Variants in ABR observed in about 807,000 individuals in gnomAD.
ABR encodes the protein ABR activator of RhoGEF and GTPase, also known as active breakpoint cluster region-related protein.
In ABR, 35 loss-of-function variants were observed where a neutral mutation model predicts 107.2. The ratio of observed to expected loss-of-function variants is 0.33; its 90% CI spans 0.25 to 0.43. ABR has a LOEUF of 0.43. Ranked by LOEUF, ABR falls within the 20% of genes least tolerant of loss-of-function variation. The pLI is 1.00. For missense variants in ABR, 815 were observed against 1,115.2 expected, an observed-to-expected ratio of 0.73 and a Z score of 3.83; for synonymous variants, 498 against 462.0, an observed-to-expected ratio of 1.08 and a Z score of -1.00.
At position 1,113,277 on chromosome 17, in the gene ABR, G is replaced by GGTTTTTTTTTTTTTTTTTTTT. The variant is rs1416563541; in HGVS notation, c.246+11905_246+11906insAAAAAAAAAAAAAAAAAAAAC. On this transcript the variant is annotated intron_variant, in intron 2 of 22. Transcript: ENST00000302538. Reference sequence around the variant, plus strand: ...GGGATAACATGGAAACACCTATTGCGATTTTTTTTTTTTTTTTTTTTTTTT... The same window carrying GGTTTTTTTTTTTTTTTTTTTT: ...GGGATAACATGGAAACACCTATTGCGGTTTTTTTTTTTTTTTTTTTTATTTTTTTTTTTTTTTTTTTTTTTT... Among the ~76,000 whole-genome samples the GGTTTTTTTTTTTTTTTTTTTT allele has an allele frequency of 1.6e-4, 14 of 88,172 alleles. 4 individuals carry two copies. The highest frequency in any genetic ancestry group is 1.5e-4 in the Non-Finnish European group (7 of 46,544). The allele number at this position is 88,172 out of a possible 152,430, so 57.8% of individuals were successfully genotyped here. A position where few individuals can be genotyped will look rare whatever the true frequency, so the allele number is the denominator to read the frequency against.
intron 10 of ABR, among the ~76,000 whole-genome samples, chr17:1,060,028 C>T (rs991720386): frequency 3.9e-5 from 6 of 152,218 alleles, no homozygotes; most frequent in South Asian, 2.1e-4. Context: ...TGTTGACTTG[C>T]CTGCTAAGAG....
chr17:1,208,853 G>A (rs563017029), intron 1 of ABR, among the ~76,000 whole-genome samples: 110 of 146,966 alleles, frequency 7.5e-4, no homozygotes, highest in African/African-American at 2.5e-3. Context: ...ATGCCACTGC[G>A]CTCCAGCCTG....
chr17:1,113,960 G>C (rs971000160), intron 2 of ABR, among the ~76,000 whole-genome samples: 2 of 151,988 alleles, frequency 1.3e-5, no homozygotes, highest in African/African-American at 4.8e-5. Context: ...TCAAGCCCAG[G>C]AGTTTGAGAC....
At position 1,091,668 on chromosome 17, in the gene ABR, C is replaced by T. The variant is rs2037041058; in HGVS notation, c.528G>A (p.Lys176=). The change falls in exon 4 of 23, where the codon AAG becomes AAA. Residue 176 remains lysine (K), a synonymous_variant. Transcript: ENST00000302538. ...CCTCCATCCCTGGCAGACTCACCAG[C>T]TTCTGGAAGAGGTGGCCCATGGTGA... ...SQVTMGHLFQ[K]LASQLGVYKA... 1.9e-6 allele frequency: 3 copies of T among 1,612,538 alleles called. No homozygotes were observed. Among genetic ancestry groups the T allele is most frequent in the Non-Finnish European group, 2.5e-6 (3 of 1,179,088 alleles).
chr17:1,036,622 T>C (rs1007002730), intron 16 of ABR, among the ~76,000 whole-genome samples: 4 of 151,768 alleles, frequency 2.6e-5, no homozygotes, highest in African/African-American at 4.9e-5. Context: ...AGGCCGAGCA[T>C]GGGAGCCCGG....
At chr17:1,125,037 C>T (rs775936586) in intron 2 of ABR, 146 bp downstream of exon 2, 27 of 777,056 alleles carry the variant, frequency 3.5e-5, no homozygotes, top group Middle Eastern at 3.8e-4. Context: ...AGGGCCAGGA[C>T]GAGATGACGA....
At chr17:1,114,727 C>T (rs57452433) in intron 2 of ABR, among the ~76,000 whole-genome samples, 7,369 of 151,876 alleles carry the variant, frequency 0.049, 617 homozygotes, top group African/African-American at 0.17. Flanking sequence ...GAGCCGAGAT[C>T]GCGCCACTGC....
At chr17:1,042,709 CGGAT>C (rs1209510387) in intron 16 of ABR, among the ~76,000 whole-genome samples, 1 of 149,638 alleles carries the variant, frequency 6.7e-6, no homozygotes, top group Non-Finnish European at 1.5e-5. Context: ...CCTACATCCA[CGGAT>C]GGATGGATGG....
In ABR at chr17:1,091,308, G is replaced by A. The variant is rs78469014; in HGVS notation, c.531+357C>T. Among the ~76,000 whole-genome samples the A allele has an allele frequency of 4.6e-3, 697 of 152,142 alleles. 26 individuals are homozygous for A. The East Asian group carries it at 0.088, about 19-fold the overall frequency. Reference sequence around the variant, plus strand: ...CCGGGAGAGAGAGGGAGCACCGTCCGGGAAAGACGGAGCACCCTCCGGGAG... The same window carrying A: ...CCGGGAGAGAGAGGGAGCACCGTCCAGGAAAGACGGAGCACCCTCCGGGAG... On this transcript the variant is annotated intron_variant, in intron 4 of 22. Coordinates refer to ENST00000302538, the MANE Select transcript of ABR (RefSeq NM_021962.5).
Position 1,011,771 on chromosome 17 carries a change from C to T in ABR, c.2101+75G>A. 2.0e-6 allele frequency: 3 copies of T among 1,484,810 alleles called. No homozygotes were observed. Among genetic ancestry groups the T allele is most frequent in the South Asian group, 1.4e-5 (1 of 71,004 alleles). 92.0% of individuals were successfully genotyped at this position (1,484,810 alleles called of 1,614,324 possible). On this transcript the variant is annotated intron_variant, in intron 19 of 22. Coordinates refer to ENST00000302538, the MANE Select transcript of ABR (RefSeq NM_021962.5). This position sits in a 1 kb window ranked among gnomAD's most constrained non-coding sequence, Gnocchi z 4.8. ...CTCTCCAGGGAGGCTCCTGGTTCCCCCGAGCTCTCCTGTCCATCCCACCAG... is the reference window on the plus strand; with the variant it reads ...CTCTCCAGGGAGGCTCCTGGTTCCCTCGAGCTCTCCTGTCCATCCCACCAG...
chr17:1,016,480 C>T (rs1279953581), intron 16 of ABR, among the ~76,000 whole-genome samples: 2 of 151,938 alleles, frequency 1.3e-5, no homozygotes, highest in Admixed American at 1.3e-4. Context: ...CCACGCCCAG[C>T]TAATTTTTTA....
chr17:1,134,478 G>A (rs568847121), intron 1 of ABR, among the ~76,000 whole-genome samples: 1 of 152,304 alleles, frequency 6.6e-6, no homozygotes, highest in East Asian at 1.9e-4. Flanking sequence ...TTTCCCTCAT[G>A]CTGTTCAGCT....
intron 1 of ABR, among the ~76,000 whole-genome samples, chr17:1,127,757 A>C (rs371411339): frequency 2.0e-5 from 3 of 152,088 alleles, no homozygotes; most frequent in South Asian, 2.1e-4. Flanking sequence ...AATGGACCCC[A>C]CACACTTGGG....
At chr17:1,189,992 C>T (rs549752573), upstream of ABR, among the ~76,000 whole-genome samples, 1 of 152,354 alleles carries the variant, frequency 6.6e-6, no homozygotes, top group South Asian at 2.1e-4. Context: ...CCCACCTCCA[C>T]CAGCTGGAAA....
At chr17:1,018,249 A>C (rs570507613) in intron 16 of ABR, among the ~76,000 whole-genome samples, 1 of 151,256 alleles carries the variant, frequency 6.6e-6, no homozygotes, top group East Asian at 2.0e-4. Flanking sequence ...TCACCGTGTT[A>C]GCCAGGATGG....
intron 1 of ABR, among the ~76,000 whole-genome samples, chr17:1,195,787 G>C (rs1208306368): frequency 7.2e-6 from 1 of 139,206 alleles, no homozygotes; most frequent in Non-Finnish European, 1.5e-5. Context: ...CTGCGCAACA[G>C]AGCGAGACTC....
At chr17:1,228,733 C>T (rs2043270553) in intron 1 of ABR, 1 of 150,364 alleles carries the variant, frequency 6.7e-6, no homozygotes, top group African/African-American at 2.4e-5. Context: ...GAAGGGGTCC[C>T]GGCAGCCCGG....
At chr17:1,194,096 C>A (rs1218063113) in intron 1 of ABR, among the ~76,000 whole-genome samples, 4 of 152,124 alleles carry the variant, frequency 2.6e-5, no homozygotes, top group African/African-American at 9.7e-5. Context: ...TGACAAGCTC[C>A]TGGGTCTTTT....
At chr17:1,022,473 A>C (rs2071774489) in intron 16 of ABR, 1 of 153,834 alleles carries the variant, frequency 6.5e-6, no homozygotes, top group Non-Finnish European at 1.5e-5. Context: ...GGAGTTGCCA[A>C]GACCCTGCCT....
Sources: allele counts gnomAD v4.1 joint callset (sites outside exome capture counted in the v4.1 genomes callset), GRCh38; gene constraint gnomAD v4.1.1; non-coding constraint Gnocchi (gnomAD v3.1); transcripts MANE v1.5; gene names NCBI Gene and HGNC (gene_info 2026-07-23, HGNC 2026-07-21).